The following NCAM2 variants were observed in gnomAD, a reference collection of about 807,000 sequenced individuals.
The protein encoded by NCAM2 is neural cell adhesion molecule 2.
A neutral mutation model predicts 98.1 loss-of-function variants in NCAM2; 30 were observed. The ratio of observed to expected loss-of-function variants is 0.31; its 90% CI spans 0.23 to 0.41. NCAM2 has a LOEUF of 0.41. Ranked by LOEUF, NCAM2 falls within the 10% of genes least tolerant of loss-of-function variation. The pLI is 1.00. For missense variants in NCAM2, 867 were observed against 1,005.8 expected (o/e 0.86, Z 1.87); for synonymous variants, 368 against 342.4 (o/e 1.07, Z -0.83).
intron 1 of NCAM2, among the ~76,000 whole-genome samples, chr21:21,166,632 C>T (rs35476970): frequency 0.31 from 47,617 of 152,048 alleles, 8,669 homozygotes; most frequent in Non-Finnish European, 0.42. Context: ...AGAATTGCTA[C>T]AATTCCACTC....
intron 16 of NCAM2, among the ~76,000 whole-genome samples, chr21:21,509,614 A>G (rs901077829): frequency 7.9e-5 from 12 of 152,154 alleles, no homozygotes; most frequent in Non-Finnish European, 8.8e-5. Context: ...ACTTGTTAGA[A>G]TTTGGAGCTC....
Position 21,284,232 on chromosome 21 carries a change from C to T in NCAM2, c.169C>T (p.Gln57Ter). 6.2e-7 allele frequency: 1 copy of T among 1,612,586 alleles called. No homozygotes were observed. The highest frequency in any genetic ancestry group is 8.5e-7 in the Non-Finnish European group (1 of 1,178,960). The change falls in exon 3 of 18, where the codon CAA (glutamine) becomes TAA (stop). Residue 57 changes from glutamine (Q) to a stop codon, truncating the protein, a stop_gained. Transcript: ENST00000400546. LOFTEE classifies it high-confidence loss of function. ...TGAAAGTATAGATTGGTATAATCCT[C>T]AAGGAGAGAAGATAATTTCAACACA... is the stretch of plus-strand genomic sequence containing the variant. ...EPESIDWYNP[Q>*]GEKIISTQRV...
At chr21:21,507,552 G>A (rs1988059059) in intron 15 of NCAM2, among the ~76,000 whole-genome samples, 2 of 152,032 alleles carry the variant, frequency 1.3e-5, no homozygotes, top group African/African-American at 4.8e-5. Flanking sequence ...CCAGCACTTT[G>A]GGAGGCCAAG....
chr21:21,408,286 C>T (rs2076784077), intron 9 of NCAM2, among the ~76,000 whole-genome samples: 2 of 152,028 alleles, frequency 1.3e-5, no homozygotes, highest in Admixed American at 1.3e-4. Context: ...AGGTATATGC[C>T]GAGCTAATGG....
chr21:21,388,796 A>C (rs1359921550), intron 9 of NCAM2, among the ~76,000 whole-genome samples: 1 of 152,202 alleles, frequency 6.6e-6, no homozygotes. Flanking sequence ...AGGCTTTCCC[A>C]ATACAAATCT....
chr21:21,528,153 G>T (rs1000619543), intron 16 of NCAM2, among the ~76,000 whole-genome samples: 8 of 152,030 alleles, frequency 5.3e-5, no homozygotes, highest in Non-Finnish European at 1.0e-4. Context: ...TTTGAGAAAA[G>T]CAAAAGACAC....
intron 11 of NCAM2, among the ~76,000 whole-genome samples, chr21:21,421,905 AT>A (rs375952121): frequency 3.4e-4 from 51 of 152,146 alleles, no homozygotes; most frequent in African/African-American, 1.1e-3. Context: ...ATTCAGAAAC[AT>A]TTTTTCCTTT....
Position 21,410,435 on chromosome 21 carries a change from A to G in NCAM2, c.1357A>G (p.Ser453Gly). ...AKNTTNLKTY[S>G]TGRKMILEIA... is the part of the protein sequence containing the mutation. ...AAACACGACCAATTTAAAGACTTAT[A>G]GTACAGGAAGAAAGATGATATTAGA... The change falls in exon 10 of 18, where the codon AGT becomes GGT. Residue 453 changes from serine (S) to glycine (G), a missense_variant. By Grantham distance (56) the Ser-to-Gly change is moderately conservative. Around this residue, in one of 5 missense-constraint regions of NCAM2, gnomAD observed 56 missense variants for 39.6 expected, o/e 1.41. Coordinates refer to ENST00000400546, the MANE Select transcript of NCAM2 (RefSeq NM_004540.5). 3.2e-6 allele frequency: 5 copies of G among 1,568,690 alleles called. No homozygotes were observed. The highest frequency in any genetic ancestry group is 4.3e-6 in the Non-Finnish European group (5 of 1,158,492).
chr21:21,486,197 G>C (rs543571336), intron 15 of NCAM2, among the ~76,000 whole-genome samples: 1 of 151,346 alleles, frequency 6.6e-6, no homozygotes. Flanking sequence ...CCAGCTACTC[G>C]GGAGGCTGAG....
At chr21:21,336,853 G>T (rs1302189165) in intron 7 of NCAM2, among the ~76,000 whole-genome samples, 2 of 152,206 alleles carry the variant, frequency 1.3e-5, no homozygotes, top group African/African-American at 4.8e-5. Flanking sequence ...TGAATAAAGA[G>T]AAGTATTGTT....
chr21:21,159,033 G>C (rs1180847108), intron 1 of NCAM2, among the ~76,000 whole-genome samples: 1 of 152,136 alleles, frequency 6.6e-6, no homozygotes, highest in African/African-American at 2.4e-5. Flanking sequence ...GGAGGTGGAA[G>C]ACAGTGATAT....
intron 1 of NCAM2, among the ~76,000 whole-genome samples, chr21:21,222,449 T>C (rs1327542246): frequency 6.6e-6 from 1 of 152,186 alleles, no homozygotes; most frequent in African/African-American, 2.4e-5. Context: ...ATGTTTGTAA[T>C]GCATGGGAAG....
At chr21:21,427,234 G>C (rs895372377) in intron 11 of NCAM2, among the ~76,000 whole-genome samples, 2 of 148,034 alleles carry the variant, frequency 1.4e-5, no homozygotes, top group Admixed American at 6.7e-5. Context: ...ACAAAAAAAA[G>C]AGATCTTTAT....
At chr21:21,062,359 G>A (rs1401503792) in intron 1 of NCAM2, among the ~76,000 whole-genome samples, 1 of 151,362 alleles carries the variant, frequency 6.6e-6, no homozygotes, top group Non-Finnish European at 1.5e-5. Flanking sequence ...CATAAAGTTA[G>A]AAGCATAGTA....
chr21:21,156,568 AATAG>A (rs1021047752), intron 1 of NCAM2, among the ~76,000 whole-genome samples: 1 of 141,996 alleles, frequency 7.0e-6, no homozygotes, highest in African/African-American at 2.6e-5. Context: ...GTCAAGTGTA[AATAG>A]ATAGATTATA....
chr21:21,242,288 A>C (rs2071092930), intron 1 of NCAM2, among the ~76,000 whole-genome samples: 1 of 152,214 alleles, frequency 6.6e-6, no homozygotes, highest in Non-Finnish European at 1.5e-5. Flanking sequence ...TGGAATTATT[A>C]AATGAAGCTA....
chr21:21,316,465 A>T (rs1159712143), intron 5 of NCAM2, among the ~76,000 whole-genome samples: 1 of 151,714 alleles, frequency 6.6e-6, no homozygotes, highest in Non-Finnish European at 1.5e-5. Flanking sequence ...CAGTAAAATG[A>T]CCAGTTTTAA....
intron 1 of NCAM2, among the ~76,000 whole-genome samples, chr21:21,198,805 A>G (rs1354196365): frequency 2.6e-5 from 4 of 152,202 alleles, no homozygotes; most frequent in African/African-American, 4.8e-5. Context: ...AGTACTTGCT[A>G]TGAGATTTCT....
At chr21:21,475,303 G>T (rs1330033882) in intron 14 of NCAM2, among the ~76,000 whole-genome samples, 3 of 151,996 alleles carry the variant, frequency 2.0e-5, no homozygotes, top group African/African-American at 7.2e-5. Context: ...GACTTTATTA[G>T]GTATTATGTG....
Sources: allele counts gnomAD v4.1 joint callset (sites outside exome capture counted in the v4.1 genomes callset), GRCh38; gene constraint gnomAD v4.1.1; regional missense constraint gnomAD v4.1.1; transcripts MANE v1.5; gene names NCBI Gene and HGNC (gene_info 2026-07-23, HGNC 2026-07-21).